The following IDO2 variants were observed in gnomAD, a reference collection of about 807,000 sequenced individuals.
IDO2 encodes indoleamine 2,3-dioxygenase 2.
A neutral mutation model predicts 45.1 loss-of-function variants in IDO2; 46 were observed. The observed-to-expected ratio is 1.02, with a 90% CI of 0.80 to 1.30. The LOEUF (loss-of-function observed/expected upper bound fraction) is 1.30, where lower values mean the gene tolerates loss of function less well. IDO2 is among the 50% of genes most tolerant of loss of function. The pLI, the probability that IDO2 is intolerant of heterozygous loss-of-function variation, is 0.00. For missense variants in IDO2, 544 were observed against 491.8 expected (o/e 1.11, Z -1.00); for synonymous variants, 218 against 184.9 (o/e 1.18, Z -1.45).
At chr8:39,945,901 G>C (rs955434164) in intron 1 of IDO2, among the ~76,000 whole-genome samples, 1 of 152,148 alleles carries the variant, frequency 6.6e-6, no homozygotes, top group African/African-American at 2.4e-5. Context: ...CCCGGGCATA[G>C]GCTGAACTAA....
chr8:39,998,028 C>A, intron 8 of IDO2: 1 of 235,506 alleles, frequency 4.2e-6, no homozygotes, highest in South Asian at 7.2e-5. Context: ...TCTGACTTCT[C>A]CACCAATTCC....
intron 6 of IDO2, among the ~76,000 whole-genome samples, chr8:39,986,680 A>AGAT (rs1808428155): frequency 7.2e-6 from 1 of 139,734 alleles, no homozygotes; most frequent in African/African-American, 3.2e-5. Context: ...TGAGATAGAT[A>AGAT]GATAGATAGA....
At chr8:39,995,043 A>G (rs984114769) in intron 8 of IDO2, 2 of 152,248 alleles carry the variant, frequency 1.3e-5, no homozygotes, top group Non-Finnish European at 2.9e-5. Flanking sequence ...AAAGGTCTGT[A>G]CACACAATGA....
At chr8:39,943,783 T>G (rs1470512788) in intron 1 of IDO2, among the ~76,000 whole-genome samples, 1 of 149,534 alleles carries the variant, frequency 6.7e-6, no homozygotes, top group Non-Finnish European at 1.5e-5. Flanking sequence ...AACATCATAC[T>G]GAATGGTGAA....
intron 4 of IDO2, among the ~76,000 whole-genome samples, chr8:39,980,671 G>A (rs1001689891): frequency 1.3e-5 from 2 of 152,122 alleles, no homozygotes; most frequent in African/African-American, 4.8e-5. Flanking sequence ...TGTCTCTCGG[G>A]GAAACACAGG....
At chr8:39,958,511 A>G (rs7820690) in intron 2 of IDO2, among the ~76,000 whole-genome samples, 1 of 152,116 alleles carries the variant, frequency 6.6e-6, no homozygotes, top group South Asian at 2.1e-4. Context: ...ATTCTCCTGC[A>G]TCAACCTCCT....
intron 8 of IDO2, among the ~76,000 whole-genome samples, chr8:40,001,539 C>A (rs1387274164): frequency 6.6e-6 from 1 of 151,646 alleles, no homozygotes; most frequent in Admixed American, 6.6e-5. Flanking sequence ...TGAGCCACTG[C>A]GCCCAGCCAT....
chr8:39,939,242 CAAAAAA>C (rs57921420), intron 1 of IDO2, among the ~76,000 whole-genome samples: 60,084 of 117,686 alleles, frequency 0.51, 12,979 homozygotes, highest in South Asian at 0.64. Flanking sequence ...GACTCCATCT[CAAAAAA>C]AAAAAAAAAA....
chr8:39,956,549 C>A (rs926420891), intron 2 of IDO2, among the ~76,000 whole-genome samples: 6 of 152,026 alleles, frequency 3.9e-5, no homozygotes, highest in African/African-American at 1.2e-4. Flanking sequence ...TGCAATTTCC[C>A]AAATGCGAAC....
At chr8:39,970,860 G>A (rs1398791272) in intron 3 of IDO2, among the ~76,000 whole-genome samples, 1 of 144,766 alleles carries the variant, frequency 6.9e-6, no homozygotes, top group Non-Finnish European at 1.5e-5. Flanking sequence ...TCTGCCTCCC[G>A]GGTTCAAGTG....
chr8:39,994,382 C>G (rs1300800977), intron 8 of IDO2, among the ~76,000 whole-genome samples: 2 of 151,900 alleles, frequency 1.3e-5, no homozygotes, highest in African/African-American at 4.8e-5. Flanking sequence ...CTCAGCCTCC[C>G]TAGTAGCTGG....
At chr8:40,014,578 C>A (rs1802358498) in intron 10 of IDO2, among the ~76,000 whole-genome samples, 1 of 152,194 alleles carries the variant, frequency 6.6e-6, no homozygotes, top group South Asian at 2.1e-4. Flanking sequence ...TTCAGCTAGT[C>A]AGTTCAAGGG....
At position 39,953,812 on chromosome 8, in the gene IDO2, G is replaced by A. The variant is rs551442911; in HGVS notation, c.99+4548G>A. Among the ~76,000 whole-genome samples the A allele has an allele frequency of 5.3e-5, 8 of 152,210 alleles. No homozygotes were observed. The South Asian group carries it at 1.7e-3, about 32-fold the overall frequency. Reference sequence around the variant, plus strand: ...ACCCCTGACCTCAAGTGATCCACCCGCCTCGGCCCTCTGTCTCAAAACAAA... The same window carrying A: ...ACCCCTGACCTCAAGTGATCCACCCACCTCGGCCCTCTGTCTCAAAACAAA... On this transcript the variant is annotated intron_variant, in intron 2 of 10. Coordinates refer to ENST00000502986, the Ensembl canonical transcript of IDO2.
chr8:39,955,416 G>T (rs554988666), intron 2 of IDO2, among the ~76,000 whole-genome samples: 1 of 151,548 alleles, frequency 6.6e-6, no homozygotes, highest in Non-Finnish European at 1.5e-5. Flanking sequence ...CATCACACCC[G>T]GCTTATTTTT....
chr8:40,004,685 C>T (rs1225203283), intron 8 of IDO2, among the ~76,000 whole-genome samples: 1 of 95,424 alleles, frequency 1.0e-5, no homozygotes, highest in East Asian at 2.4e-4. Context: ...ATAGAACAAC[C>T]TTCGAAAAGA....
At chr8:39,994,294 G>T (rs1801996774) in intron 8 of IDO2, among the ~76,000 whole-genome samples, 1 of 139,226 alleles carries the variant, frequency 7.2e-6, no homozygotes, top group African/African-American at 2.7e-5. Context: ...TTTCGCTCTT[G>T]TTGCCCAGGC....
chr8:39,984,786 G>T (rs1808399077), intron 5 of IDO2, among the ~76,000 whole-genome samples: 1 of 151,598 alleles, frequency 6.6e-6, no homozygotes. Context: ...ATCAATGCAG[G>T]CTTTACAAGT....
intron 2 of IDO2, among the ~76,000 whole-genome samples, chr8:39,953,963 C>T (rs536718069): frequency 3.9e-5 from 6 of 152,296 alleles, no homozygotes; most frequent in Admixed American, 6.5e-5. Flanking sequence ...GTTTTGAGAT[C>T]GATTGCCATC....
chr8:39,973,330 A>G (rs979128601), intron 3 of IDO2, among the ~76,000 whole-genome samples: 28 of 152,278 alleles, frequency 1.8e-4, no homozygotes, highest in African/African-American at 5.5e-4. Context: ...TCCTAGATCT[A>G]TCCACTGCAA....
Sources: allele counts gnomAD v4.1 joint callset (sites outside exome capture counted in the v4.1 genomes callset), GRCh38; gene constraint gnomAD v4.1.1; transcripts MANE v1.5; gene names NCBI Gene and HGNC (gene_info 2026-07-23, HGNC 2026-07-21).